The following PIK3R1 variants were observed in gnomAD, a reference collection of about 807,000 sequenced individuals.
PIK3R1 encodes phosphoinositide-3-kinase regulatory subunit 1.
A neutral mutation model predicts 98.0 loss-of-function variants in PIK3R1; 29 were observed. That is an observed-to-expected ratio of 0.30 (90% CI 0.22 to 0.40). The LOEUF (loss-of-function observed/expected upper bound fraction) is 0.40, where lower values mean the gene tolerates loss of function less well. Ranked by LOEUF, PIK3R1 falls within the 10% of genes least tolerant of loss-of-function variation. PIK3R1 has a pLI of 1.00. For synonymous variants in PIK3R1, 282 were observed against 311.8 expected (o/e 0.90, Z 1.01); for missense variants, 596 against 872.7 (o/e 0.68, Z 3.99).
chr5:68,277,587 AT>A (rs1746632968), intron 4 of PIK3R1, among the ~76,000 whole-genome samples: 1 of 152,166 alleles, frequency 6.6e-6, no homozygotes, highest in Non-Finnish European at 1.5e-5. Flanking sequence ...TGTCCAAGGA[AT>A]TTTTGTAGTC....
At chr5:68,223,123 A>AATCATCATCATCATCATC (rs60144880) in intron 1 of PIK3R1, among the ~76,000 whole-genome samples, 1 of 147,918 alleles carries the variant, frequency 6.8e-6, no homozygotes, top group Non-Finnish European at 1.5e-5. Flanking sequence ...GTACAAACTC[A>AATCATCATCATCATCATC]ATCATCATCA....
intron 2 of PIK3R1, among the ~76,000 whole-genome samples, chr5:68,253,865 C>A (rs1468853251): frequency 1.3e-5 from 2 of 152,070 alleles, no homozygotes; most frequent in Admixed American, 1.3e-4. Flanking sequence ...CTTGACTAAG[C>A]AGGTGGAAAG....
Position 68,226,675 on chromosome 5 carries a change from C to T in PIK3R1, c.-1C>T. On this transcript the variant is annotated 5_prime_UTR_variant, in exon 2 of 16. Transcript: ENST00000521381. ...TGTTGCATGGTAGCAGATTTGCAAA[C>T]ATGAGTGCTGAGGGGTACCAGTACA... The T allele has an allele frequency of 6.2e-7, 1 of 1,610,008 alleles. No homozygotes were observed. Among genetic ancestry groups the T allele is most frequent in the East Asian group, 2.2e-5 (1 of 44,840 alleles).
intron 2 of PIK3R1, among the ~76,000 whole-genome samples, chr5:68,229,132 G>C (rs886560898): frequency 6.6e-6 from 1 of 151,846 alleles, no homozygotes; most frequent in Non-Finnish European, 1.5e-5. Context: ...AGAGTGTTGG[G>C]GGGGGGTCAT....
At position 68,292,317 on chromosome 5, in the gene PIK3R1, T is replaced by A. The variant is rs777752987; in HGVS notation, c.975T>A (p.Asn325Lys). The change falls in exon 8 of 16, where the codon AAT becomes AAA. Residue 325 changes from asparagine to lysine, a missense_variant. Transcript: ENST00000521381. ...TAGCCAACAACGGTATGAATAACAA[T>A]ATGTCCTTACAAGATGCTGAATGGT... ...TTVANNGMNN[N>K]MSLQDAEWYW... The A allele has an allele frequency of 3.1e-6, 5 of 1,613,604 alleles. No individual in the cohort carries two copies. The South Asian group carries it at 5.5e-5, about 18-fold the overall frequency.
intron 12 of PIK3R1, 36 bp downstream of exon 12, chr5:68,294,714 C>A (rs1297194761): frequency 6.3e-6 from 9 of 1,429,648 alleles, no homozygotes; most frequent in African/African-American, 1.5e-5. Flanking sequence ...TAGAGATAAC[C>A]AAAATCCTCT....
At chr5:68,293,655 C>A (rs964942123) in intron 10 of PIK3R1, 54 bp from the exon 11 acceptor site, 11 of 1,285,862 alleles carry the variant, frequency 8.6e-6, no homozygotes, top group African/African-American at 1.5e-5. Flanking sequence ...TTTTGTTAAA[C>A]AATTGTTATT....
intron 2 of PIK3R1, among the ~76,000 whole-genome samples, chr5:68,266,522 G>T (rs115148546): frequency 0.027 from 4,103 of 152,306 alleles, 88 homozygotes; most frequent in African/African-American, 0.05. Context: ...CTATTATCAA[G>T]ATCATTTAAC....
chr5:68,296,927 CT>C (rs1393253091), intron 15 of PIK3R1, among the ~76,000 whole-genome samples: 1 of 152,144 alleles, frequency 6.6e-6, no homozygotes, highest in Non-Finnish European at 1.5e-5. Context: ...AAGAAGGGTA[CT>C]TTTGTCCTTA....
chr5:68,274,584 G>A (rs1167429190), intron 4 of PIK3R1, among the ~76,000 whole-genome samples: 1 of 152,090 alleles, frequency 6.6e-6, no homozygotes, highest in Non-Finnish European at 1.5e-5. Context: ...GAAGAAAAAG[G>A]CCCTGGTTTG....
At chr5:68,291,554 T>G (rs905055162) in intron 7 of PIK3R1, 5 of 152,270 alleles carry the variant, frequency 3.3e-5, no homozygotes, top group African/African-American at 1.2e-4. Context: ...AGTCTTTTAT[T>G]TGTCACCAAT....
chr5:68,280,126 C>T (rs1580244197), intron 5 of PIK3R1: 1 of 301,240 alleles, frequency 3.3e-6, no homozygotes, highest in African/African-American at 2.2e-5. Context: ...GAAGATGGCT[C>T]TCAGTTTTAG....
intron 2 of PIK3R1, among the ~76,000 whole-genome samples, chr5:68,234,014 A>T (rs1744576297): frequency 6.6e-6 from 1 of 152,232 alleles, no homozygotes; most frequent in Admixed American, 6.5e-5. Flanking sequence ...ATAACTGTGA[A>T]TTTATTACAG....
Position 68,300,140 on chromosome 5 carries a change from G to A in PIK3R1, c.*2539G>A, listed in dbSNP as rs1747958462. 1 of 233,120 alleles carries A rather than the reference G, an allele frequency of 4.3e-6. No homozygotes were observed. Among genetic ancestry groups the A allele is most frequent in the Non-Finnish European group, 8.5e-6 (1 of 118,036 alleles). 14.4% of individuals were successfully genotyped at this position (233,120 alleles called of 1,614,324 possible). A position where few individuals can be genotyped will look rare whatever the true frequency, so the allele number is the denominator to read the frequency against. On this transcript the variant is annotated 3_prime_UTR_variant, in exon 16 of 16. Transcript: ENST00000521381. The stretch of plus-strand genomic sequence containing the variant: ...TGTGCTTCAACATTCTTTGCAAGAT[G>A]ATACGGTATTTAGGCATTTGCCTTA...
intron 1 of PIK3R1, among the ~76,000 whole-genome samples, chr5:68,225,313 C>T (rs565873088): frequency 2.9e-4 from 44 of 151,902 alleles, no homozygotes; most frequent in Admixed American, 1.9e-3. Flanking sequence ...TAATTGTGGC[C>T]GATTGCCAAA....
chr5:68,230,292 G>A (rs1216296711), intron 2 of PIK3R1, among the ~76,000 whole-genome samples: 1 of 152,194 alleles, frequency 6.6e-6, no homozygotes, highest in Non-Finnish European at 1.5e-5. Flanking sequence ...TTCATTGACT[G>A]TTCCCTCTGT....
Position 68,273,963 on chromosome 5 carries a change from G to A in PIK3R1, c.452G>A (p.Arg151Lys), listed in dbSNP as rs1746469487. 1 of 1,613,872 alleles carries A rather than the reference G, an allele frequency of 6.2e-7. No homozygotes were observed. Among genetic ancestry groups the A allele is most frequent in the Non-Finnish European group, 8.5e-7 (1 of 1,179,876 alleles). Reference sequence around the variant, plus strand: ...GGTCTGGAATGTTCAACTCTATACAGAACACAGAGCTCCAGCAACCTGGCA... The same window carrying A: ...GGTCTGGAATGTTCAACTCTATACAAAACACAGAGCTCCAGCAACCTGGCA... ...KKGLECSTLY[R>K]TQSSSNLAEL... The change falls in exon 4 of 16, where the codon AGA (arginine) becomes AAA (lysine). Residue 151 changes from arginine to lysine, a missense_variant. Coordinates refer to ENST00000521381, the MANE Select transcript of PIK3R1 (RefSeq NM_181523.3).
At chr5:68,229,921 G>T (rs1744409085) in intron 2 of PIK3R1, among the ~76,000 whole-genome samples, 1 of 152,212 alleles carries the variant, frequency 6.6e-6, no homozygotes, top group Non-Finnish European at 1.5e-5. Flanking sequence ...TGAATGAATT[G>T]TTTTAATTGG....
chr5:68,225,496 G>A (rs1344373965), intron 1 of PIK3R1, among the ~76,000 whole-genome samples: 2 of 152,092 alleles, frequency 1.3e-5, no homozygotes. Context: ...TGCTCCTCTC[G>A]TTCTCGCCGC....
Sources: allele counts gnomAD v4.1 joint callset (sites outside exome capture counted in the v4.1 genomes callset), GRCh38; gene constraint gnomAD v4.1.1; transcripts MANE v1.5; gene names NCBI Gene and HGNC (gene_info 2026-07-23, HGNC 2026-07-21).